ZNF492: variants seen among roughly 807,000 people sequenced by gnomAD.
ZNF492 encodes the protein zinc finger protein 115 (Y20).
In ZNF492, 3 loss-of-function variants were observed where a neutral mutation model predicts 6.4. The ratio of observed to expected loss-of-function variants is 0.47; its 90% confidence interval spans 0.21 to 1.22. The LOEUF is 1.22. ZNF492 is among the 50% of genes most tolerant of loss of function. The pLI is 0.22. For missense variants in ZNF492, 356 were observed against 612.5 expected (o/e 0.58, Z 4.42); for synonymous variants, 112 against 205.3 (o/e 0.55, Z 3.89).
chr19:22,655,486 ATAGT>A (rs1237969693), intron 3 of ZNF492, among the ~76,000 whole-genome samples: 2 of 151,548 alleles, frequency 1.3e-5, no homozygotes, highest in African/African-American at 2.4e-5. Flanking sequence ...TTTTTGTCAG[ATAGT>A]TTGTTTAAAG....
intron 1 of ZNF492, among the ~76,000 whole-genome samples, chr19:22,639,308 T>C (rs1971800345): frequency 6.6e-6 from 1 of 152,196 alleles, no homozygotes; most frequent in South Asian, 2.1e-4. Context: ...AGGGGTTCTG[T>C]TTTTGATTTG....
intron 1 of ZNF492, among the ~76,000 whole-genome samples, chr19:22,651,491 C>T (rs1357792455): frequency 2.7e-5 from 4 of 149,418 alleles, no homozygotes; most frequent in African/African-American, 9.9e-5. Context: ...GCTTTTTCTT[C>T]CTAATGAGTT....
chr19:22,657,561 A>G (rs1372004436), intron 3 of ZNF492, among the ~76,000 whole-genome samples: 1 of 152,054 alleles, frequency 6.6e-6, no homozygotes, highest in Non-Finnish European at 1.5e-5. Context: ...CAATGAGTAC[A>G]CAGTTACAGT....
Position 22,664,103 on chromosome 19 carries a change from A to G in ZNF492, c.434A>G (p.Glu145Gly), listed in dbSNP as rs1201901235. The G allele has an allele frequency of 3.7e-6, 6 of 1,605,264 alleles. No individual in the cohort carries two copies. In the South Asian group the frequency reaches 4.4e-5, roughly 12 times the overall value. The change falls in exon 4 of 4, where the codon GAA (glutamate) becomes GGA (glycine). Residue 145 changes from glutamate (E) to glycine (G), a missense_variant. By Grantham distance (98) the Glu-to-Gly change is moderately conservative. Coordinates refer to ENST00000456783, the MANE Select transcript of ZNF492 (RefSeq NM_020855.3). ...HTGKKSFKCK[E>G]CEKSFCMLSH... ...GGAAAGAAATCTTTCAAATGTAAAG[A>G]ATGTGAAAAGTCATTTTGCATGCTT...
chr19:22,638,346 A>C (rs1478976497), intron 1 of ZNF492, among the ~76,000 whole-genome samples: 2 of 152,108 alleles, frequency 1.3e-5, no homozygotes, highest in African/African-American at 4.8e-5. Context: ...AAATAATTTG[A>C]AATTTTACAT....
intron 3 of ZNF492, among the ~76,000 whole-genome samples, chr19:22,662,582 C>T (rs1275495967): frequency 1.3e-5 from 2 of 151,936 alleles, no homozygotes; most frequent in Admixed American, 6.6e-5. Flanking sequence ...TCTCCACATC[C>T]TCTCCAGCAC....
intron 1 of ZNF492, among the ~76,000 whole-genome samples, chr19:22,648,498 C>T (rs1971906743): frequency 6.6e-6 from 1 of 152,124 alleles, no homozygotes; most frequent in Admixed American, 6.5e-5. Flanking sequence ...TCCTGAATAT[C>T]CTAGTTAATT....
At chr19:22,661,566 T>C (rs75383025) in intron 3 of ZNF492, among the ~76,000 whole-genome samples, 6,624 of 152,098 alleles carry the variant, frequency 0.044, 485 homozygotes, top group African/African-American at 0.15. Context: ...ATTTTGTGTT[T>C]AGTTTTTAGT....
chr19:22,640,582 A>G (rs763736132), intron 1 of ZNF492, among the ~76,000 whole-genome samples: 3 of 152,178 alleles, frequency 2.0e-5, no homozygotes, highest in Non-Finnish European at 2.9e-5. Flanking sequence ...TTTTGCATCA[A>G]TGTTCATCAA....
intron 3 of ZNF492, among the ~76,000 whole-genome samples, chr19:22,662,159 CA>C (rs1972065668): frequency 6.6e-6 from 1 of 152,102 alleles, no homozygotes; most frequent in African/African-American, 2.4e-5. Flanking sequence ...GCTCAATTCC[CA>C]CCTATGAGTG....
chr19:22,666,253 C>G lies in ZNF492; in HGVS notation c.*988C>G, dbSNP rs371972109. The G allele has an allele frequency of 5.4e-5, 8 of 149,112 alleles. No homozygotes were observed. The East Asian group carries it at 7.9e-4, about 15-fold the overall frequency. The allele number at this position is 149,112 out of a possible 1,614,324, so 9.2% of individuals were successfully genotyped here. A position where few individuals can be genotyped will look rare whatever the true frequency, so the allele number is the denominator to read the frequency against. ...CCCCCCAGGCTGGAGTACAGTGGCA[C>G]GATCTCAGCTCACTGCAACCTCCGT... is the stretch of plus-strand genomic sequence containing the variant. On this transcript the variant is annotated 3_prime_UTR_variant, in exon 4 of 4. Transcript: ENST00000456783.
At chr19:22,647,260 G>GTTTTT (rs71180573) in intron 1 of ZNF492, among the ~76,000 whole-genome samples, 3 of 132,948 alleles carry the variant, frequency 2.3e-5, no homozygotes, top group African/African-American at 8.5e-5. Context: ...GTTTGTTGTT[G>GTTTTT]TTTTTTTTTT....
chr19:22,663,194 C>G (rs1046446420), intron 3 of ZNF492, among the ~76,000 whole-genome samples: 6 of 151,912 alleles, frequency 3.9e-5, no homozygotes, highest in African/African-American at 1.5e-4. Context: ...AATAGGGAAT[C>G]CTTTCCCCAT....
chr19:22,639,655 G>C (rs1971805388), intron 1 of ZNF492, among the ~76,000 whole-genome samples: 1 of 144,958 alleles, frequency 6.9e-6, no homozygotes. Flanking sequence ...AGGTTGCAGT[G>C]AGCCAAGATC....
chr19:22,654,202 C>CT (rs1483755589), intron 3 of ZNF492, among the ~76,000 whole-genome samples, 187 bp downstream of exon 3: 15 of 152,208 alleles, frequency 9.9e-5, no homozygotes, highest in African/African-American at 3.6e-4. Flanking sequence ...TTTAAAATCT[C>CT]TGAAGATTTT....
intron 1 of ZNF492, among the ~76,000 whole-genome samples, chr19:22,653,007 G>A: frequency 6.6e-6 from 1 of 151,708 alleles, no homozygotes; most frequent in East Asian, 1.9e-4. Flanking sequence ...TATTCTGTAT[G>A]ATGTAAATGT....
intron 1 of ZNF492, among the ~76,000 whole-genome samples, chr19:22,639,793 G>A (rs1418857766): frequency 6.7e-6 from 1 of 149,370 alleles, no homozygotes; most frequent in African/African-American, 2.4e-5. Flanking sequence ...TATGTCATCT[G>A]TAAAAAGAAA....
In ZNF492 at chr19:22,634,698, G is replaced by A. The variant is rs576030610; in HGVS notation, c.-94+224G>A. On this transcript the variant is annotated intron_variant, in intron 1 of 3. Transcript: ENST00000456783. ...TGTCTCTTCCCTGCGCAGTGACGGT[G>A]CCCTGGCCTGGAGCCCTCTCTGGGC... Among the ~76,000 whole-genome samples the A allele has an allele frequency of 3.9e-5, 6 of 152,254 alleles. No individual in the cohort carries two copies. The East Asian group carries it at 5.8e-4, about 15-fold the overall frequency.
rs1972091891 is a variant in ZNF492 at position 22,664,178 on chromosome 19, A to G, written c.509A>G (p.Lys170Arg). 6.2e-7 allele frequency: 1 copy of G among 1,610,704 alleles called. No individual in the cohort carries two copies. Among genetic ancestry groups the G allele is most frequent in the Non-Finnish European group, 8.5e-7 (1 of 1,178,322 alleles). The change falls in exon 4 of 4, where the codon AAA becomes AGA. Residue 170 changes from lysine to arginine, a missense_variant. This residue lies in a region of ZNF492 where 196 missense variants were observed against 219.4 expected (regional missense o/e 0.89). Coordinates refer to ENST00000456783, the MANE Select transcript of ZNF492 (RefSeq NM_020855.3). ...KRIHSGEKPY[K>R]CKECGKAYNE... ...ATTCATAGTGGAGAGAAACCCTACA[A>G]ATGTAAAGAATGTGGGAAAGCCTAT...
Sources: allele counts gnomAD v4.1 joint callset (sites outside exome capture counted in the v4.1 genomes callset), GRCh38; gene constraint gnomAD v4.1.1; regional missense constraint gnomAD v4.1.1; transcripts MANE v1.5; gene names NCBI Gene and HGNC (gene_info 2026-07-23, HGNC 2026-07-21).